The following NAGPA variants were observed in gnomAD, a reference collection of about 807,000 sequenced individuals.
NAGPA encodes the protein N-acetylglucosamine-1-phosphodiester alpha-N-acetylglucosaminidase.
In NAGPA, 56 loss-of-function variants were observed where a neutral mutation model predicts 48.5. That is an observed-to-expected ratio of 1.15 (90% CI 0.93 to 1.44). The LOEUF (loss-of-function observed/expected upper bound fraction) is 1.44, where lower values mean the gene tolerates loss of function less well. NAGPA is among the 40% of genes most tolerant of loss of function. The probability of loss-of-function intolerance (pLI) is 0.00; values close to 1 mark genes in which losing one functional copy is unlikely to be tolerated. For synonymous variants in NAGPA, 399 were observed against 315.5 expected (o/e 1.26, Z -2.81); for missense variants, 888 against 735.0 (o/e 1.21, Z -2.41).
chr16:5,033,810 C>G lies in NAGPA; in HGVS notation c.86+19G>C, dbSNP rs1056659013. 6.4e-7 allele frequency: 1 copy of G among 1,557,726 alleles called. No homozygotes were observed. The highest frequency in any genetic ancestry group is 1.4e-5 in the African/African-American group (1 of 73,536). On this transcript the variant is annotated intron_variant, in intron 1 of 9. Transcript: ENST00000312251. The surrounding 1 kb of genome is among the most constrained non-coding windows in gnomAD (Gnocchi z 4.2). ...GGGGGGACCCCCCGAACCAGGCTGGCCCAGGGAGCTGCACTCACCCCGAGT... is the reference window on the plus strand; with the variant it reads ...GGGGGGACCCCCCGAACCAGGCTGGGCCAGGGAGCTGCACTCACCCCGAGT...
chr16:5,033,488 G>A lies in NAGPA; in HGVS notation c.327C>T (p.Pro109=). 2 of 1,567,802 alleles carry A rather than the reference G, an allele frequency of 1.3e-6. No homozygotes were observed. Among genetic ancestry groups the A allele is most frequent in the Non-Finnish European group, 8.6e-7 (1 of 1,165,152 alleles). The change falls in exon 2 of 10, where the codon CCC becomes CCT. Residue 109 remains proline (P), a synonymous_variant. Transcript: ENST00000312251. The surrounding 1 kb of genome is among the most constrained non-coding windows in gnomAD (Gnocchi z 4.2). ...TCGCCGCGCAGCCGCCGGGTCCACCGGGCTCCAGCACCGAGAAGGTGCGCA... is the reference window on the plus strand; with the variant it reads ...TCGCCGCGCAGCCGCCGGGTCCACCAGGCTCCAGCACCGAGAAGGTGCGCA... The part of the protein sequence containing the change: ...EPLRTFSVLE[P]GGPGGCAARR...
In NAGPA at chr16:5,033,053, A is replaced by G. The variant is rs1956130146; in HGVS notation, c.542+220T>C. 1 of 617,746 alleles carries G rather than the reference A, an allele frequency of 1.6e-6. No homozygotes were observed. Among genetic ancestry groups the G allele is most frequent in the Admixed American group, 2.9e-5 (1 of 35,006 alleles). 38.3% of individuals were successfully genotyped at this position (617,746 alleles called of 1,614,324 possible). The stretch of plus-strand genomic sequence containing the variant: ...TGTTAAGGCAAAGACTGTGTTGTTC[A>G]CGGCTATCTCACCGGGGCGCGGCAC... On this transcript the variant is annotated intron_variant, in intron 2 of 9. Transcript: ENST00000312251. This position sits in a 1 kb window ranked among gnomAD's most constrained non-coding sequence, Gnocchi z 4.2.
Position 5,031,773 on chromosome 16 carries a change from G to T in NAGPA, c.654C>A (p.Ala218=). The T allele has an allele frequency of 6.2e-7, 1 of 1,614,122 alleles. No individual in the cohort carries two copies. Among genetic ancestry groups the T allele is most frequent in the East Asian group, 2.2e-5 (1 of 44,884 alleles). The change falls in exon 3 of 10, where the codon GCC becomes GCA. Residue 218 remains alanine (A), a synonymous_variant. Transcript: ENST00000312251. ...TCTCCTGTGTCTCGTCACACTCTGTGGCTTGGCTCTCGTTGATGTAGATGC... is the reference window on the plus strand; with the variant it reads ...TCTCCTGTGTCTCGTCACACTCTGTTGCTTGGCTCTCGTTGATGTAGATGC... ...NGSIYINESQ[A]TECDETQETG...
At position 5,033,617 on chromosome 16, in the gene NAGPA, C is replaced by T; in HGVS notation, c.198G>A (p.Pro66=). The T allele has an allele frequency of 6.6e-7, 1 of 1,513,160 alleles. No homozygotes were observed. Among genetic ancestry groups the T allele is most frequent in the Non-Finnish European group, 8.7e-7 (1 of 1,143,416 alleles). The allele number at this position is 1,513,160 out of a possible 1,614,324, so 93.7% of individuals were successfully genotyped here. The part of the protein sequence containing the change: ...AGNREHESWP[P]PPATPGAGGL... ...CGCCGGCGCCGGGAGTCGCGGGAGGCGGAGGCCAACTCTCGTGCTCGCGGT... is the reference window on the plus strand; with the variant it reads ...CGCCGGCGCCGGGAGTCGCGGGAGGTGGAGGCCAACTCTCGTGCTCGCGGT... The change falls in exon 2 of 10, where the codon CCG becomes CCA. Residue 66 remains proline, a synonymous_variant. Transcript: ENST00000312251. The surrounding 1 kb of genome is among the most constrained non-coding windows in gnomAD (Gnocchi z 4.2).
At chr16:5,027,032 A>G in intron 9 of NAGPA, 103 bp downstream of exon 9, 1 of 1,403,192 alleles carries the variant, frequency 7.1e-7, no homozygotes, top group Non-Finnish European at 9.9e-7. Flanking sequence ...TAAGGCAGGG[A>G]GCTGGCAGGG....
At chr16:5,027,694 G>T in intron 7 of NAGPA, 152 bp downstream of exon 7, 1 of 1,195,412 alleles carries the variant, frequency 8.4e-7, no homozygotes, top group Non-Finnish European at 1.2e-6. Flanking sequence ...AGCCACAGGG[G>T]AGTCACACAG....
intron 2 of NAGPA, among the ~76,000 whole-genome samples, chr16:5,032,141 C>T (rs1387901435): frequency 1.3e-5 from 2 of 152,046 alleles, no homozygotes; most frequent in Non-Finnish European, 2.9e-5. Flanking sequence ...ACAGAAATGA[C>T]CATCCCCCAA....
At position 5,031,967 on chromosome 16, in the gene NAGPA, C is replaced by T. The variant is rs1956107925; in HGVS notation, c.543-83G>A. 3.1e-6 allele frequency: 5 copies of T among 1,591,332 alleles called. No homozygotes were observed. The South Asian group carries it at 3.3e-5, about 11-fold the overall frequency. On this transcript the variant is annotated intron_variant, in intron 2 of 9. Transcript: ENST00000312251. ...GGCTCTTTCTCCCTAGCCATCCCAA[C>T]CTGGCTGCTAGATTCCCCCTCATGC...
At position 5,031,885 on chromosome 16, in the gene NAGPA, C is replaced by G. The variant is rs1298149406; in HGVS notation, c.543-1G>C. ...CAGCACCTCCTCCTCAGACAGGTAC[C>G]TGGATCCGGGGAAGGTGGGAAGCTC... On this transcript the variant is annotated splice_acceptor_variant, in intron 2 of 9. Transcript: ENST00000312251. LOFTEE classifies it high-confidence loss of function. 2 of 1,614,158 alleles carry G rather than the reference C, an allele frequency of 1.2e-6. No homozygotes were observed. The highest frequency in any genetic ancestry group is 2.2e-5 in the East Asian group (1 of 44,884).
chr16:5,028,888 T>A lies in NAGPA; in HGVS notation c.912A>T (p.Ser304=), dbSNP rs1956051692. The A allele has an allele frequency of 6.2e-7, 1 of 1,614,086 alleles. No individual in the cohort carries two copies. Among genetic ancestry groups the A allele is most frequent in the East Asian group, 2.2e-5 (1 of 44,884 alleles). The change falls in exon 5 of 10, where the codon TCA becomes TCT. Residue 304 remains serine, a synonymous_variant. Transcript: ENST00000312251. Reference sequence around the variant, plus strand: ...GGCTCTCACGTGCTTACCAGTGATCTGACGGGTAACTGGCCAAGGTCCCGT... The same window carrying A: ...GGCTCTCACGTGCTTACCAGTGATCAGACGGGTAACTGGCCAAGGTCCCGT... ...VLNGTLASYP[S]DHCQDNMWRC... is the part of the protein sequence containing the mutation.
At chr16:5,032,381 C>T (rs1021885341) in intron 2 of NAGPA, among the ~76,000 whole-genome samples, 11 of 152,092 alleles carry the variant, frequency 7.2e-5, no homozygotes, top group Non-Finnish European at 1.3e-4. Flanking sequence ...CTTGCCAGGG[C>T]GTGGTGGCTC....
intron 9 of NAGPA, among the ~76,000 whole-genome samples, chr16:5,025,894 C>T (rs957686734): frequency 1.3e-5 from 2 of 151,148 alleles, no homozygotes; most frequent in African/African-American, 2.4e-5. Context: ...GCAGTCATGA[C>T]GTACAATGCA....
intron 5 of NAGPA, 165 bp from the exon 6 acceptor site, chr16:5,028,350 C>G: frequency 7.4e-7 from 1 of 1,355,782 alleles, no homozygotes. Flanking sequence ...TCCTTCCACC[C>G]GAGCCTCCTG....
intron 4 of NAGPA, chr16:5,029,524 G>A: frequency 4.8e-6 from 1 of 207,460 alleles, no homozygotes; most frequent in East Asian, 1.2e-4. Context: ...TAAGAGAAGA[G>A]CCCTGCCTAA....
chr16:5,027,119 C>A lies in NAGPA; in HGVS notation c.1340+16G>T. On this transcript the variant is annotated intron_variant, in intron 9 of 9. Coordinates refer to ENST00000312251, the MANE Select transcript of NAGPA (RefSeq NM_016256.4). The stretch of plus-strand genomic sequence containing the variant: ...ATTCCTCCCGCCCTGGCCCCAGCTC[C>A]CACAGAAGCACCTACCTGGTGAAAA... The A allele has an allele frequency of 1.9e-6, 3 of 1,614,016 alleles. No homozygotes were observed. In the Admixed American group the frequency reaches 5.0e-5, roughly 27 times the overall value.
Position 5,033,395 on chromosome 16 carries a change from G to A in NAGPA, c.420C>T (p.Phe140=), listed in dbSNP as rs749767199. 1.9e-6 allele frequency: 3 copies of A among 1,596,548 alleles called. No homozygotes were observed. The highest frequency in any genetic ancestry group is 1.7e-5 in the Admixed American group (1 of 59,950). Residue 140 remains phenylalanine (F), a synonymous_variant, in exon 2 of 10, where the codon TTC becomes TTT. Transcript: ENST00000312251. This position sits in a 1 kb window ranked among gnomAD's most constrained non-coding sequence, Gnocchi z 4.2. The part of the protein sequence containing the change: ...ADCRVAQNGG[F]FRMNSGECLG... ...GGCACTCGCCCGAGTTCATGCGGAA[G>A]AAGCCGCCGTTCTGGGCGACACGGC...
chr16:5,025,473 A>G lies in NAGPA; in HGVS notation c.*5T>C, dbSNP rs749417307. 6.2e-7 allele frequency: 1 copy of G among 1,611,672 alleles called. No individual in the cohort carries two copies. Among genetic ancestry groups the G allele is most frequent in the Non-Finnish European group, 8.5e-7 (1 of 1,179,716 alleles). On this transcript the variant is annotated 3_prime_UTR_variant, in exon 10 of 10. Coordinates refer to ENST00000312251, the MANE Select transcript of NAGPA (RefSeq NM_016256.4). ...GCGACGTGCCACCCCGGGCAGCTTGAGGCTTCAGTCCTTGAAGGGGTTGTG... is the reference window on the plus strand; with the variant it reads ...GCGACGTGCCACCCCGGGCAGCTTGGGGCTTCAGTCCTTGAAGGGGTTGTG...
At chr16:5,031,214 T>G (rs1956091010) in intron 3 of NAGPA, 1 of 187,372 alleles carries the variant, frequency 5.3e-6, no homozygotes, top group South Asian at 1.1e-4. Context: ...GGATTATAGG[T>G]GTTAGCCACC....
In NAGPA at chr16:5,031,485, G is replaced by A. The variant is rs566088578; in HGVS notation, c.682+260C>T. ...TTTCTCTTCCTGTACCCACAGCTCC[G>A]GTCCCCATCTCTCCCCTTTCCCCTA... On this transcript the variant is annotated intron_variant, in intron 3 of 9. Coordinates refer to ENST00000312251, the MANE Select transcript of NAGPA (RefSeq NM_016256.4). The A allele has an allele frequency of 4.2e-4, 205 of 488,712 alleles. 1 individual carries two copies. The highest frequency in any genetic ancestry group is 3.4e-3 in the African/African-American group (176 of 51,242). 30.3% of individuals were successfully genotyped at this position (488,712 alleles called of 1,614,324 possible).
Sources: allele counts gnomAD v4.1 joint callset (sites outside exome capture counted in the v4.1 genomes callset), GRCh38; gene constraint gnomAD v4.1.1; non-coding constraint Gnocchi (gnomAD v3.1); transcripts MANE v1.5; gene names NCBI Gene and HGNC (gene_info 2026-07-23, HGNC 2026-07-21).